YY1AP1: variants seen among roughly 807,000 people sequenced by gnomAD.
YY1AP1 encodes YY1 associated protein 1.
Under a neutral mutation model 39.9 loss-of-function variants are expected in YY1AP1, and 43 were observed. The observed-to-expected ratio is 1.08, with a 90% CI of 0.84 to 1.39. The LOEUF is 1.39. Ranked by LOEUF, YY1AP1 falls within the 40% of genes most tolerant of loss-of-function variation. YY1AP1 has a pLI of 0.00. For missense variants in YY1AP1, 813 were observed against 900.7 expected (o/e 0.90, Z 1.25); for synonymous variants, 292 against 331.3 (o/e 0.88, Z 1.29).
rs770070166 is a variant in YY1AP1 at position 155,660,359 on chromosome 1, G to C, written c.1551C>G (p.Ala517=). 6.2e-7 allele frequency: 1 copy of C among 1,614,084 alleles called. No individual in the cohort carries two copies. Among genetic ancestry groups the C allele is most frequent in the South Asian group, 1.1e-5 (1 of 91,080 alleles). ...CATATGGCTTTCGAAACATGGAAGA[G>C]GCAGGGGAGGGCATCATTACCTTGG... ...PVPKVMMPSP[A]SSMFRKPYVR... Residue 517 remains alanine, a synonymous_variant, in exon 11 of 11, where the codon GCC becomes GCG. Coordinates refer to ENST00000355499, the MANE Select transcript of YY1AP1 (RefSeq NM_139119.3).
chr1:155,660,364 G>A lies in YY1AP1; in HGVS notation c.1546C>T (p.Pro516Ser), dbSNP rs369967466. The A allele has an allele frequency of 4.3e-6, 7 of 1,614,066 alleles. No individual in the cohort carries two copies. The African/African-American group carries it at 9.3e-5, about 22-fold the overall frequency. ...GGCTTTCGAAACATGGAAGAGGCAG[G>A]GGAGGGCATCATTACCTTGGGCACA... ...APVPKVMMPSPASSMFRKPYV... is the reference protein window; with the variant it reads ...APVPKVMMPSSASSMFRKPYV... The change falls in exon 11 of 11, where the codon CCT becomes TCT. Residue 516 changes from proline to serine, a missense_variant. Transcript: ENST00000355499.
At chr1:155,675,893 G>A (rs1650579131) in intron 5 of YY1AP1, among the ~76,000 whole-genome samples, 3 of 152,160 alleles carry the variant, frequency 2.0e-5, no homozygotes, top group Non-Finnish European at 4.4e-5. Flanking sequence ...CAGAACCAGA[G>A]GAAGTTTAAC....
At chr1:155,675,314 ATTTAT>A (rs1650483798) in intron 5 of YY1AP1, among the ~76,000 whole-genome samples, 2 of 150,510 alleles carry the variant, frequency 1.3e-5, no homozygotes, top group African/African-American at 2.4e-5. Flanking sequence ...TGCCTGGCTA[ATTTAT>A]TTTATTATTA....
intron 9 of YY1AP1, among the ~76,000 whole-genome samples, chr1:155,663,257 G>A (rs989750343): frequency 7.3e-5 from 11 of 151,270 alleles, no homozygotes; most frequent in African/African-American, 2.7e-4. Context: ...TGTAATCTCA[G>A]CTACTCGGGA....
chr1:155,672,078 C>G (rs1649944104), intron 7 of YY1AP1, among the ~76,000 whole-genome samples: 1 of 152,224 alleles, frequency 6.6e-6, no homozygotes, highest in South Asian at 2.1e-4. Context: ...AATGTACAAT[C>G]TCTAATTTAC....
intron 6 of YY1AP1, 76 bp downstream of exon 6, chr1:155,674,934 G>C: frequency 7.5e-7 from 1 of 1,331,866 alleles, no homozygotes; most frequent in African/African-American, 1.4e-5. Context: ...ATACCTGAGA[G>C]AATAACTGTG....
Position 155,670,330 on chromosome 1 carries a change from C to T in YY1AP1, c.718G>A (p.Ala240Thr). ...NPQDKILFTK[A>T]EDNLLALGLK... ...AGAGTAAACACTTACTTGTCCTCAG[C>T]CTTGGTGAAGAGGATCTTATCCTGG... Residue 240 changes from alanine to threonine, a missense_variant, in exon 8 of 11, where the codon GCT becomes ACT. Transcript: ENST00000355499. The T allele has an allele frequency of 1.9e-6, 3 of 1,612,260 alleles. No individual in the cohort carries two copies. The highest frequency in any genetic ancestry group is 2.5e-6 in the Non-Finnish European group (3 of 1,179,878).
chr1:155,665,030 A>C (rs927068289), intron 9 of YY1AP1, among the ~76,000 whole-genome samples: 2 of 151,814 alleles, frequency 1.3e-5, no homozygotes, highest in Non-Finnish European at 2.9e-5. Context: ...TCAGCCTCCC[A>C]AAGTGCTGGG....
intron 9 of YY1AP1, among the ~76,000 whole-genome samples, chr1:155,661,790 G>C (rs1279818671): frequency 6.6e-6 from 1 of 152,090 alleles, no homozygotes; most frequent in Non-Finnish European, 1.5e-5. Context: ...GGAGTAGCTG[G>C]GACTACAGGT....
chr1:155,665,205 C>T (rs1030987869), intron 9 of YY1AP1, among the ~76,000 whole-genome samples: 14 of 152,112 alleles, frequency 9.2e-5, no homozygotes, highest in African/African-American at 3.4e-4. Context: ...ATCACTTGAA[C>T]CCAGGAGTCT....
chr1:155,659,675 T>C lies in YY1AP1; in HGVS notation c.2235A>G (p.Glu745=), dbSNP rs1176949540. The C allele has an allele frequency of 1.2e-6, 2 of 1,614,078 alleles. No individual in the cohort carries two copies. Among genetic ancestry groups the C allele is most frequent in the Non-Finnish European group, 1.7e-6 (2 of 1,180,042 alleles). Residue 745 remains glutamate, a synonymous_variant, in exon 11 of 11, where the codon GAA becomes GAG. Transcript: ENST00000355499. ...VKMEPEDATE[E]ISGFL is the part of the protein sequence containing the mutation. ...TCCTAGCTCAAAGAAATCCACTGATTTCCTCTGTAGCATCTTCAGGTTCCA... is the reference window on the plus strand; with the variant it reads ...TCCTAGCTCAAAGAAATCCACTGATCTCCTCTGTAGCATCTTCAGGTTCCA...
rs752093057 is a variant in YY1AP1 at position 155,688,053 on chromosome 1, C to T, written c.-21+18G>A. 7 of 1,557,982 alleles carry T rather than the reference C, an allele frequency of 4.5e-6. No homozygotes were observed. Among genetic ancestry groups the T allele is most frequent in the Non-Finnish European group, 5.2e-6 (6 of 1,148,470 alleles). On this transcript the variant is annotated intron_variant, in intron 2 of 10. Transcript: ENST00000355499. ...AGAGTGCTTAGGCCCGAATGCCGGCCCAAATCGTTCTACTCACCGTGTCGG... is the reference window on the plus strand; with the variant it reads ...AGAGTGCTTAGGCCCGAATGCCGGCTCAAATCGTTCTACTCACCGTGTCGG...
intron 9 of YY1AP1, among the ~76,000 whole-genome samples, chr1:155,668,059 T>C (rs187299187): frequency 6.6e-6 from 1 of 151,458 alleles, no homozygotes; most frequent in Admixed American, 6.6e-5. Context: ...TCCTAGCCTC[T>C]GGGAAGCCAA....
chr1:155,688,638 A>G, intron 1 of YY1AP1, 21 bp downstream of exon 1: 2 of 1,534,388 alleles, frequency 1.3e-6, no homozygotes, highest in Non-Finnish European at 1.7e-6. Context: ...AGCCGGCTCC[A>G]GCGCAGGCCC....
intron 6 of YY1AP1, among the ~76,000 whole-genome samples, chr1:155,673,150 G>C (rs1448012372): frequency 1.3e-5 from 2 of 151,710 alleles, no homozygotes; most frequent in Non-Finnish European, 2.9e-5. Flanking sequence ...TGAGAAGCTG[G>C]GACTATAGGC....
intron 2 of YY1AP1, among the ~76,000 whole-genome samples, chr1:155,683,659 A>AAAAAC (rs1553309266): frequency 2.6e-5 from 4 of 152,078 alleles, no homozygotes; most frequent in East Asian, 1.9e-4. Flanking sequence ...CCATCTCAAA[A>AAAAAC]AAAACAAAAC....
intron 3 of YY1AP1, 104 bp downstream of exon 3, chr1:155,680,312 G>T: frequency 7.7e-7 from 1 of 1,306,372 alleles, no homozygotes. Context: ...AAGGAGAATT[G>T]GTTCAGTCCC....
intron 6 of YY1AP1, chr1:155,674,773 C>T: frequency 3.0e-6 from 1 of 329,500 alleles, no homozygotes; most frequent in East Asian, 6.8e-5. Context: ...TTGCAGTGAA[C>T]TGAAATTGTT....
chr1:155,688,334 C>G, intron 1 of YY1AP1, 133 bp from the exon 2 acceptor site: 1 of 1,550,888 alleles, frequency 6.4e-7, no homozygotes, highest in Non-Finnish European at 8.7e-7. Flanking sequence ...GCGGCAGCGG[C>G]GGCAGCAGAG....
Sources: allele counts gnomAD v4.1 joint callset (sites outside exome capture counted in the v4.1 genomes callset), GRCh38; gene constraint gnomAD v4.1.1; transcripts MANE v1.5; gene names NCBI Gene and HGNC (gene_info 2026-07-23, HGNC 2026-07-21).